RBFOX1: variants seen among roughly 807,000 people sequenced by gnomAD.
RBFOX1 encodes RNA binding protein fox-1 homolog 1.
RBFOX1 carries 8 observed loss-of-function variants against 57.7 expected under a neutral mutation model. The ratio of observed to expected loss-of-function variants is 0.14; its 90% confidence interval spans 0.08 to 0.25. The LOEUF is 0.25. Ranked by LOEUF, RBFOX1 falls within the 10% of genes least tolerant of loss-of-function variation. RBFOX1 has a pLI of 1.00. For missense variants in RBFOX1, 611 were observed against 548.5 expected (o/e 1.11, Z -1.14); for synonymous variants, 326 against 222.4 (o/e 1.47, Z -4.15).
chr16:5,411,152 G>A (rs1196725224), intron 1 of RBFOX1, among the ~76,000 whole-genome samples: 1 of 152,110 alleles, frequency 6.6e-6, no homozygotes, highest in Non-Finnish European at 1.5e-5. Context: ...AGACTGTGGT[G>A]GGAAGAAAAA....
intron 4 of RBFOX1, among the ~76,000 whole-genome samples, chr16:7,052,403 T>C (rs565956787): frequency 1.3e-5 from 2 of 152,334 alleles, no homozygotes; most frequent in African/African-American, 4.8e-5. Flanking sequence ...GTCTAAGTAA[T>C]AACAAAGGTC....
chr16:6,567,321 G>T (rs895446970), intron 2 of RBFOX1, among the ~76,000 whole-genome samples: 31 of 152,122 alleles, frequency 2.0e-4, no homozygotes, highest in African/African-American at 7.2e-4. Context: ...CAGAGAGATG[G>T]GGAAACTGAG....
intron 3 of RBFOX1, among the ~76,000 whole-genome samples, chr16:6,915,710 C>T (rs2072990188): frequency 6.6e-6 from 1 of 151,942 alleles, no homozygotes; most frequent in Non-Finnish European, 1.5e-5. Flanking sequence ...ACCACCATGC[C>T]TGACTAAATT....
intron 1 of RBFOX1, among the ~76,000 whole-genome samples, chr16:5,431,954 G>A (rs1048663696): frequency 2.8e-4 from 43 of 152,268 alleles, no homozygotes; most frequent in African/African-American, 9.6e-4. Context: ...GAGACTTTTT[G>A]GGGGTGTTGA....
At chr16:7,284,522 G>A (rs1811445817) in intron 4 of RBFOX1, among the ~76,000 whole-genome samples, 1 of 152,020 alleles carries the variant, frequency 6.6e-6, no homozygotes, top group South Asian at 2.1e-4. Context: ...GTAGAGATGA[G>A]GTCCTGCTAT....
rs960437298 is a variant in RBFOX1 at position 6,220,510 on chromosome 16, T to C, written c.-126-96485T>C. Reference sequence around the variant, plus strand: ...TAGACTATATTGAGTTATAAGTCTTTGATAATTTGTAATTTGTATCATTAA... The same window carrying C: ...TAGACTATATTGAGTTATAAGTCTTCGATAATTTGTAATTTGTATCATTAA... On this transcript the variant is annotated intron_variant, in intron 1 of 15. Transcript: ENST00000550418. 3.9e-5 allele frequency among the ~76,000 whole-genome samples: 6 copies of C among 152,332 alleles called. No individual in the cohort carries two copies. The East Asian group carries it at 1.2e-3, about 29-fold the overall frequency.
At chr16:6,609,490 C>T (rs1243920223) in intron 2 of RBFOX1, among the ~76,000 whole-genome samples, 1 of 152,076 alleles carries the variant, frequency 6.6e-6, no homozygotes, top group African/African-American at 2.4e-5. Flanking sequence ...ACAACAGGTG[C>T]ATGCCACCAC....
chr16:6,733,933 T>C (rs748731927), intron 3 of RBFOX1, among the ~76,000 whole-genome samples: 3 of 152,188 alleles, frequency 2.0e-5, no homozygotes, highest in Non-Finnish European at 4.4e-5. Context: ...TTAGATAGTC[T>C]GAATAGCATC....
At chr16:5,569,477 T>TTC (rs2046203109) in intron 2 of RBFOX1, among the ~76,000 whole-genome samples, 1 of 143,196 alleles carries the variant, frequency 7.0e-6, no homozygotes, top group Non-Finnish European at 1.5e-5. Flanking sequence ...TCTTCTTCTT[T>TTC]TTGGAGTACT....
At chr16:5,646,612 C>G (rs1567342219) in intron 3 of RBFOX1, among the ~76,000 whole-genome samples, 1 of 151,984 alleles carries the variant, frequency 6.6e-6, no homozygotes, top group African/African-American at 2.4e-5. Context: ...TGGCAGGGGT[C>G]TGGGCAGGTA....
At chr16:7,274,393 A>C (rs1051002774) in intron 4 of RBFOX1, among the ~76,000 whole-genome samples, 2 of 152,172 alleles carry the variant, frequency 1.3e-5, no homozygotes, top group African/African-American at 4.8e-5. Context: ...AGAAGAGATG[A>C]AACTGTAAAG....
intron 2 of RBFOX1, among the ~76,000 whole-genome samples, chr16:6,615,652 A>G (rs188013631): frequency 6.6e-6 from 1 of 152,256 alleles, no homozygotes; most frequent in East Asian, 1.9e-4. Context: ...CTTCTTTCAC[A>G]TGAAATGTCC....
In RBFOX1 at chr16:6,237,246, T is replaced by G. The variant is rs112584264; in HGVS notation, c.-126-79749T>G. Reference sequence around the variant, plus strand: ...TTATCTTGCTAAAGCAGAAGGCTGTTGTTCTGGAATGTGAAATTTATGAAA... The same window carrying G: ...TTATCTTGCTAAAGCAGAAGGCTGTGGTTCTGGAATGTGAAATTTATGAAA... On this transcript the variant is annotated intron_variant, in intron 1 of 15. Transcript: ENST00000550418. Among the ~76,000 whole-genome samples, 1,141 of 152,336 alleles carry G rather than the reference T, an allele frequency of 7.5e-3. 16 individuals carry two copies. The highest frequency in any genetic ancestry group is 0.024 in the African/African-American group (1,008 of 41,572).
At chr16:6,588,377 G>A (rs1308796329) in intron 2 of RBFOX1, among the ~76,000 whole-genome samples, 1 of 151,948 alleles carries the variant, frequency 6.6e-6, no homozygotes, top group African/African-American at 2.4e-5. Context: ...TCTCGGCTGG[G>A]TGCGATGGCT....
At chr16:7,317,742 C>G (rs2096470500) in intron 4 of RBFOX1, among the ~76,000 whole-genome samples, 1 of 152,216 alleles carries the variant, frequency 6.6e-6, no homozygotes, top group African/African-American at 2.4e-5. Context: ...GAGTCTGAAA[C>G]AAATTACAAA....
At chr16:7,479,534 A>G (rs1468239266) in intron 4 of RBFOX1, among the ~76,000 whole-genome samples, 1 of 152,186 alleles carries the variant, frequency 6.6e-6, no homozygotes, top group African/African-American at 2.4e-5. Context: ...AAAGGACTCA[A>G]GAGCCTGCCT....
At chr16:6,193,399 T>TA (rs1370874062) in intron 1 of RBFOX1, among the ~76,000 whole-genome samples, 3,603 of 39,156 alleles carry the variant, frequency 0.092, 164 homozygotes, top group Non-Finnish European at 0.14. Context: ...ATACTATATA[T>TA]ATATATATAT....
At chr16:7,148,775 G>C (rs1354317791) in intron 4 of RBFOX1, among the ~76,000 whole-genome samples, 1 of 152,202 alleles carries the variant, frequency 6.6e-6, no homozygotes, top group African/African-American at 2.4e-5. Flanking sequence ...AGCTGCCTGA[G>C]ACTAATCCTG....
chr16:6,555,552 T>C (rs567129290), intron 2 of RBFOX1, among the ~76,000 whole-genome samples: 1 of 151,994 alleles, frequency 6.6e-6, no homozygotes, highest in South Asian at 2.1e-4. Context: ...TACAAAAAAT[T>C]AGCCGGGCGT....
Sources: allele counts gnomAD v4.1 joint callset (sites outside exome capture counted in the v4.1 genomes callset), GRCh38; gene constraint gnomAD v4.1.1; transcripts MANE v1.5; gene names NCBI Gene and HGNC (gene_info 2026-07-23, HGNC 2026-07-21).